Variants in ANKRD36 observed in about 807,000 individuals in gnomAD.
The protein encoded by ANKRD36 is ankyrin repeat domain-containing protein 36A.
A neutral mutation model predicts 278.1 loss-of-function variants in ANKRD36; 179 were observed. That is an observed-to-expected ratio of 0.64 (90% confidence interval 0.57 to 0.73). The LOEUF is 0.73. Among genes scored for constraint, ANKRD36 ranks in the 30% least tolerant of loss-of-function variants. The probability of loss-of-function intolerance (pLI) is 0.00; values close to 1 mark genes in which losing one functional copy is unlikely to be tolerated. For synonymous variants in ANKRD36, 320 were observed against 641.1 expected, an observed-to-expected ratio of 0.50 and a Z score of 7.57; for missense variants, 1,159 against 1,956.7, an observed-to-expected ratio of 0.59 and a Z score of 7.69.
intron 4 of ANKRD36, 118 bp downstream of exon 4, chr2:97,123,111 A>T (rs2037363292): frequency 1.2e-6 from 1 of 834,880 alleles, no homozygotes; most frequent in East Asian, 3.5e-5. Context: ...AATTATTGGG[A>T]TATAGTGAGA....
intron 6 of ANKRD36, among the ~76,000 whole-genome samples, chr2:97,128,255 G>A (rs1574620272): frequency 6.6e-6 from 1 of 151,672 alleles, no homozygotes; most frequent in Middle Eastern, 3.4e-3. Flanking sequence ...TGATGCAGAT[G>A]TAGAATGAGA....
chr2:97,136,614 T>C (rs2041582446), intron 6 of ANKRD36, among the ~76,000 whole-genome samples: 1 of 151,688 alleles, frequency 6.6e-6, no homozygotes, highest in South Asian at 2.1e-4. Flanking sequence ...CCCATAGGAA[T>C]TGATTGTTTG....
chr2:97,211,276 G>A (rs1388752586), intron 56 of ANKRD36, among the ~76,000 whole-genome samples: 1 of 151,868 alleles, frequency 6.6e-6, no homozygotes, highest in Non-Finnish European at 1.5e-5. Flanking sequence ...CCGGCATATC[G>A]ACATTGATAT....
At chr2:97,128,460 G>C (rs1028387621) in intron 6 of ANKRD36, among the ~76,000 whole-genome samples, 1 of 150,984 alleles carries the variant, frequency 6.6e-6, no homozygotes, top group Non-Finnish European at 1.5e-5. Flanking sequence ...TTACTCAAAA[G>C]CCAATTAGAT....
chr2:97,231,465 G>A (rs904573092), intron 67 of ANKRD36, among the ~76,000 whole-genome samples: 1 of 152,148 alleles, frequency 6.6e-6, no homozygotes, highest in Admixed American at 6.5e-5. Flanking sequence ...TTCCTGGTGT[G>A]CCGTTTTTTA....
Position 97,156,373 on chromosome 2 carries a change from C to T in ANKRD36, c.1260+1632C>T, listed in dbSNP as rs1270837207. ...CTCCCAATGCTCTCCCTCCCCCCTA[C>T]CCCCACCCCACAACAGTCCCCAGAG... On this transcript the variant is annotated intron_variant, in intron 15 of 75. Coordinates refer to ENST00000420699, the MANE Select transcript of ANKRD36 (RefSeq NM_001354587.1). Among the ~76,000 whole-genome samples the T allele has an allele frequency of 7.9e-5, 11 of 139,144 alleles. 1 individual carries two copies. The highest frequency in any genetic ancestry group is 1.3e-4 in the Non-Finnish European group (8 of 61,920). The allele number at this position is 139,144 out of a possible 152,430, so 91.3% of individuals were successfully genotyped here.
intron 8 of ANKRD36, among the ~76,000 whole-genome samples, chr2:97,143,342 G>T (rs991101082): frequency 1.3e-5 from 2 of 151,910 alleles, no homozygotes; most frequent in African/African-American, 2.4e-5. Flanking sequence ...GTAATTTTGG[G>T]GTTTCTGCTG....
At chr2:97,206,525 AC>A (rs2062894345) in intron 52 of ANKRD36, among the ~76,000 whole-genome samples, 1 of 151,392 alleles carries the variant, frequency 6.6e-6, no homozygotes, top group African/African-American at 2.4e-5. Context: ...TGTTGTAATA[AC>A]CCGTACACTC....
At chr2:97,155,630 A>G (rs79464855) in intron 15 of ANKRD36, among the ~76,000 whole-genome samples, 2 of 146,322 alleles carry the variant, frequency 1.4e-5, no homozygotes, top group Non-Finnish European at 3.1e-5. Context: ...TCATATTTCT[A>G]TGATCAGACT....
rs967496115 is a variant in ANKRD36, at chr2:97,164,263, G to C, written c.1430-20G>C. 13 of 1,527,720 alleles carry C rather than the reference G, an allele frequency of 8.5e-6. No homozygotes were observed. The African/African-American group carries it at 1.6e-4, about 19-fold the overall frequency. 94.6% of individuals were successfully genotyped at this position (1,527,720 alleles called of 1,614,324 possible). A position where few individuals can be genotyped will look rare whatever the true frequency, so the allele number is the denominator to read the frequency against. On this transcript the variant is annotated intron_variant, in intron 18 of 75. Coordinates refer to ENST00000420699, the MANE Select transcript of ANKRD36 (RefSeq NM_001354587.1). Reference sequence around the variant, plus strand: ...GTCATATTTACCTGTAGTCAATTATGTGTTCCTTTTGCTTTGTAGTGTCTC... The same window carrying C: ...GTCATATTTACCTGTAGTCAATTATCTGTTCCTTTTGCTTTGTAGTGTCTC...
chr2:97,114,022 G>A, intron 1 of ANKRD36, 86 bp downstream of exon 1: 8 of 1,266,378 alleles, frequency 6.3e-6, no homozygotes, highest in Non-Finnish European at 8.4e-6. Flanking sequence ...CTGCGGGGCG[G>A]ATGGTCCGGG....
intron 28 of ANKRD36, among the ~76,000 whole-genome samples, chr2:97,185,075 A>G (rs1253169955): frequency 6.6e-6 from 1 of 151,744 alleles, no homozygotes; most frequent in African/African-American, 2.4e-5. Flanking sequence ...ACACTGTTTC[A>G]TTTTAGTTTT....
At chr2:97,141,337 A>T (rs1380554700) in intron 6 of ANKRD36, among the ~76,000 whole-genome samples, 8 of 146,280 alleles carry the variant, frequency 5.5e-5, no homozygotes, top group Non-Finnish European at 1.1e-4. Flanking sequence ...GAATCTGATT[A>T]TGCATGATTT....
intron 3 of ANKRD36, among the ~76,000 whole-genome samples, chr2:97,121,875 T>C (rs1354196335): frequency 6.6e-6 from 1 of 150,408 alleles, no homozygotes; most frequent in Non-Finnish European, 1.5e-5. Context: ...CATAAATATT[T>C]GCATCAGGGT....
At chr2:97,210,304 G>A (rs2064085527) in intron 56 of ANKRD36, among the ~76,000 whole-genome samples, 1 of 151,832 alleles carries the variant, frequency 6.6e-6, no homozygotes, top group Non-Finnish European at 1.5e-5. Context: ...CCCTGGTGTA[G>A]CAACTATTTT....
rs956692376 is a variant in ANKRD36, at chr2:97,133,681, C to A, written c.799+6547C>A. ...TTCATATTGTGTTTCAAATTGAGTACATATTGCCATAATATATGTTAATAT... is the reference window on the plus strand; with the variant it reads ...TTCATATTGTGTTTCAAATTGAGTAAATATTGCCATAATATATGTTAATAT... On this transcript the variant is annotated intron_variant, in intron 6 of 75. Transcript: ENST00000420699. Among the ~76,000 whole-genome samples, 4 of 151,762 alleles carry A rather than the reference C, an allele frequency of 2.6e-5. No homozygotes were observed. In the Admixed American group the frequency reaches 2.6e-4, roughly 10 times the overall value.
At chr2:97,210,729 T>G (rs1421431312) in intron 56 of ANKRD36, among the ~76,000 whole-genome samples, 1 of 151,920 alleles carries the variant, frequency 6.6e-6, no homozygotes, top group Non-Finnish European at 1.5e-5. Context: ...TGAATTCTAA[T>G]TAACTCCTAA....
chr2:97,129,091 T>C (rs563492036), intron 6 of ANKRD36, among the ~76,000 whole-genome samples: 1 of 152,056 alleles, frequency 6.6e-6, no homozygotes, highest in African/African-American at 2.4e-5. Flanking sequence ...CCACCAACAG[T>C]GTAAAAGTGT....
intron 24 of ANKRD36, 43 bp from the exon 25 acceptor site, chr2:97,181,555 C>T: frequency 6.2e-7 from 1 of 1,601,426 alleles, no homozygotes; most frequent in Non-Finnish European, 8.5e-7. Context: ...ATAAATTTAT[C>T]ATATGTACAT....
Sources: gnomAD v4.1 joint callset for allele counts (sites outside exome capture counted in the v4.1 genomes callset) on GRCh38, gnomAD v4.1.1 for gene constraint, MANE v1.5 for transcripts, NCBI Gene and HGNC (gene_info 2026-07-23, HGNC 2026-07-21) for gene names.